SERTM2: variants seen among roughly 807,000 people sequenced by gnomAD.
SERTM2 encodes the protein serine-rich and transmembrane domain-containing protein 2.
At position 111,520,566 on chromosome X, in the gene SERTM2, T is replaced by C. The variant is rs2147491945; in HGVS notation, c.*1436T>C. On this transcript the variant is annotated 3_prime_UTR_variant, in exon 3 of 3. Coordinates refer to ENST00000569275, the MANE Select transcript of SERTM2 (RefSeq NM_001354473.2). Reference sequence around the variant, plus strand: ...CCACCAGAAATGTAGCTCTTTGTAGTCTGTAACCAATTTAGATTGGCCCTT... The same window carrying C: ...CCACCAGAAATGTAGCTCTTTGTAGCCTGTAACCAATTTAGATTGGCCCTT... 1 of 112,066 alleles carries C rather than the reference T, an allele frequency of 8.9e-6. No individual in the cohort carries two copies. The highest frequency in any genetic ancestry group is 9.5e-5 in the Admixed American group (1 of 10,581). The allele number at this position is 112,066 out of a possible 1,213,427, so 9.2% of individuals were successfully genotyped here.
chrX:111,520,093 T>C lies in SERTM2; in HGVS notation c.*963T>C, dbSNP rs1228227213. On this transcript the variant is annotated 3_prime_UTR_variant, in exon 3 of 3. Transcript: ENST00000569275. Reference sequence around the variant, plus strand: ...AGAGAGAGACAAAGGAGGAAAGGACTAAACAACATCCTCCAACAAATCCTT... The same window carrying C: ...AGAGAGAGACAAAGGAGGAAAGGACCAAACAACATCCTCCAACAAATCCTT... 6 of 111,663 alleles carry C rather than the reference T, an allele frequency of 5.4e-5. No individual in the cohort carries two copies. Among genetic ancestry groups the C allele is most frequent in the Non-Finnish European group, 1.9e-5 (1 of 53,116 alleles). The allele number at this position is 111,663 out of a possible 1,213,427, so 9.2% of individuals were successfully genotyped here. A position where few individuals can be genotyped will look rare whatever the true frequency, so the allele number is the denominator to read the frequency against.
intron 2 of SERTM2, among the ~76,000 whole-genome samples, chrX:111,512,472 G>A (rs189880432): frequency 4.5e-5 from 5 of 111,924 alleles, no homozygotes; most frequent in African/African-American, 1.3e-4. Flanking sequence ...GAATTATATA[G>A]GCAGGTGTCA....
intron 2 of SERTM2, among the ~76,000 whole-genome samples, chrX:111,516,725 G>T (rs1366715002): frequency 9.0e-6 from 1 of 111,194 alleles, no homozygotes; most frequent in East Asian, 2.8e-4. Flanking sequence ...GAAAAATATG[G>T]ATTATGGAAA....
At chrX:111,514,871 C>T (rs910109973) in intron 2 of SERTM2, among the ~76,000 whole-genome samples, 36 of 109,633 alleles carry the variant, frequency 3.3e-4, no homozygotes, top group African/African-American at 1.2e-3. Context: ...ATAATACTAA[C>T]ATCGTTTAGG....
chrX:111,515,610 G>C (rs1416924664), intron 2 of SERTM2, among the ~76,000 whole-genome samples: 1 of 111,508 alleles, frequency 9.0e-6, no homozygotes, highest in Non-Finnish European at 1.9e-5. Context: ...GCCCCATACA[G>C]AGCTACTGAA....
chrX:111,516,597 A>C (rs1602407876), intron 2 of SERTM2, among the ~76,000 whole-genome samples: 1 of 111,115 alleles, frequency 9.0e-6, no homozygotes, highest in South Asian at 3.9e-4. Flanking sequence ...TGTTTCCTAG[A>C]CCATTGCTCC....
In SERTM2 at chrX:111,518,630, C is replaced by A. The variant is rs963950761; in HGVS notation, c.-228C>A. On this transcript the variant is annotated 5_prime_UTR_variant, in exon 3 of 3. Transcript: ENST00000569275. ...AATTGATTAAGAAGCTCTGATAAAA[C>A]CTATTGGAGGGGCGATTGCTGTGCT... The A allele has an allele frequency of 6.9e-6, 2 of 290,018 alleles. No homozygotes were observed. 23.9% of individuals were successfully genotyped at this position (290,018 alleles called of 1,213,427 possible).
At position 111,520,012 on chromosome X, in the gene SERTM2, G is replaced by A. The variant is rs1308513930; in HGVS notation, c.*882G>A. On this transcript the variant is annotated 3_prime_UTR_variant, in exon 3 of 3. Coordinates refer to ENST00000569275, the MANE Select transcript of SERTM2 (RefSeq NM_001354473.2). ...TCCCAGGGTTTTTGTGCTGAAAAAT[G>A]ATTAGAGAGCTATTTAGTCATCACT... is the stretch of plus-strand genomic sequence containing the variant. The A allele has an allele frequency of 9.0e-6, 1 of 111,296 alleles. No homozygotes were observed. Among genetic ancestry groups the A allele is most frequent in the East Asian group, 2.8e-4 (1 of 3,557 alleles). 9.2% of individuals were successfully genotyped at this position (111,296 alleles called of 1,213,427 possible).
chrX:111,514,888 G>GGT (rs371173694), intron 2 of SERTM2, among the ~76,000 whole-genome samples: 2,329 of 106,655 alleles, frequency 0.022, 48 homozygotes, highest in African/African-American at 0.068. Context: ...TAGGCATAGG[G>GGT]GTGTGTGTGT....
In SERTM2 at chrX:111,519,945, T is replaced by A. The variant is rs1023342149; in HGVS notation, c.*815T>A. The stretch of plus-strand genomic sequence containing the variant: ...GAAATAAAATGATGTTGGTATTCTG[T>A]TGTTGAATATGGCTTTGGACAAAAC... On this transcript the variant is annotated 3_prime_UTR_variant, in exon 3 of 3. Transcript: ENST00000569275. The A allele has an allele frequency of 1.8e-5, 2 of 111,828 alleles. No homozygotes were observed. The highest frequency in any genetic ancestry group is 6.5e-5 in the African/African-American group (2 of 30,757). The allele number at this position is 111,828 out of a possible 1,213,427, so 9.2% of individuals were successfully genotyped here. A position where few individuals can be genotyped will look rare whatever the true frequency, so the allele number is the denominator to read the frequency against.
intron 2 of SERTM2, among the ~76,000 whole-genome samples, chrX:111,516,166 C>A (rs1225536493): frequency 3.8e-5 from 4 of 104,537 alleles, no homozygotes; most frequent in Non-Finnish European, 5.9e-5. Flanking sequence ...ATGCACCACT[C>A]TAATCTCTGC....
chrX:111,519,032 C>T lies in SERTM2; in HGVS notation c.175C>T (p.Arg59Trp). ...LLILLFTMLL[R>W]LKHVISPINS... is the part of the protein sequence containing the mutation. ...CATCCTGCTCTTCACAATGCTCCTT[C>T]GGCTCAAACATGTCATCTCGCCCAT... The change falls in exon 3 of 3, where the codon CGG becomes TGG. Residue 59 changes from arginine (R) to tryptophan (W), a missense_variant. Arg to Trp is a moderately radical substitution (Grantham distance 101). Transcript: ENST00000569275. 3.4e-6 allele frequency: 1 copy of T among 297,350 alleles called. No homozygotes were observed. Among genetic ancestry groups the T allele is most frequent in the Non-Finnish European group, 5.9e-6 (1 of 170,120 alleles). 24.5% of individuals were successfully genotyped at this position (297,350 alleles called of 1,213,427 possible). A position where few individuals can be genotyped will look rare whatever the true frequency, so the allele number is the denominator to read the frequency against.
In SERTM2 at chrX:111,520,166, G is replaced by A. The variant is rs1292170194; in HGVS notation, c.*1036G>A. ...GTCACATTTGTATTTCCCAGAAAAT[G>A]TTCCTCCCTTCCTGATCCCTGCCAA... On this transcript the variant is annotated 3_prime_UTR_variant, in exon 3 of 3. Transcript: ENST00000569275. The A allele has an allele frequency of 5.4e-5, 6 of 111,732 alleles. No individual in the cohort carries two copies. The highest frequency in any genetic ancestry group is 1.1e-4 in the Non-Finnish European group (6 of 53,129). 9.2% of individuals were successfully genotyped at this position (111,732 alleles called of 1,213,427 possible). A position where few individuals can be genotyped will look rare whatever the true frequency, so the allele number is the denominator to read the frequency against.
rs889360774 is a variant in SERTM2, at chrX:111,522,280, T to C, written c.*3150T>C. On this transcript the variant is annotated 3_prime_UTR_variant, in exon 3 of 3. Transcript: ENST00000569275. ...GAATAAAAAATTGAGTTTCTTTTGTTTGAAATTATTAATGTTTGAAATAGA... is the reference window on the plus strand; with the variant it reads ...GAATAAAAAATTGAGTTTCTTTTGTCTGAAATTATTAATGTTTGAAATAGA... 1 of 112,334 alleles carries C rather than the reference T, an allele frequency of 8.9e-6. No homozygotes were observed. Among genetic ancestry groups the C allele is most frequent in the African/African-American group, 3.2e-5 (1 of 30,915 alleles). The allele number at this position is 112,334 out of a possible 1,213,427, so 9.3% of individuals were successfully genotyped here.
Position 111,518,604 on chromosome X carries a change from A to C in SERTM2, c.-254A>C. 1 of 283,017 alleles carries C rather than the reference A, an allele frequency of 3.5e-6. No homozygotes were observed. The highest frequency in any genetic ancestry group is 6.2e-6 in the Non-Finnish European group (1 of 161,264). 23.3% of individuals were successfully genotyped at this position (283,017 alleles called of 1,213,427 possible). A position where few individuals can be genotyped will look rare whatever the true frequency, so the allele number is the denominator to read the frequency against. ...AATAAAACATTACTTGTATTTTTAA[A>C]AATTGATTAAGAAGCTCTGATAAAA... On this transcript the variant is annotated 5_prime_UTR_variant, in exon 3 of 3. Coordinates refer to ENST00000569275, the MANE Select transcript of SERTM2 (RefSeq NM_001354473.2).
chrX:111,514,623 A>G, intron 2 of SERTM2, among the ~76,000 whole-genome samples: 1 of 111,362 alleles, frequency 9.0e-6, no homozygotes, highest in East Asian at 2.8e-4. Context: ...TATTGGAAAG[A>G]GGGTAATGGA....
rs1930375622 is a variant in SERTM2, at chrX:111,519,484, A to G, written c.*354A>G. On this transcript the variant is annotated 3_prime_UTR_variant, in exon 3 of 3. Coordinates refer to ENST00000569275, the MANE Select transcript of SERTM2 (RefSeq NM_001354473.2). Reference sequence around the variant, plus strand: ...TCCCTGGAAGCTCCAAAAACAAACAAAGAAGATTTGCTTTTGAAAGGGCTG... The same window carrying G: ...TCCCTGGAAGCTCCAAAAACAAACAGAGAAGATTTGCTTTTGAAAGGGCTG... The G allele has an allele frequency of 8.0e-6, 1 of 124,435 alleles. No individual in the cohort carries two copies. Among genetic ancestry groups the G allele is most frequent in the African/African-American group, 3.2e-5 (1 of 31,350 alleles). 10.3% of individuals were successfully genotyped at this position (124,435 alleles called of 1,213,427 possible).
intron 2 of SERTM2, among the ~76,000 whole-genome samples, chrX:111,513,432 C>CA (rs1930261766): frequency 1.8e-5 from 2 of 111,562 alleles, no homozygotes; most frequent in South Asian, 7.4e-4. Flanking sequence ...ATTCTTTCCA[C>CA]AAAAAATCAT....
rs1930357335 is a variant in SERTM2, at chrX:111,518,580, A to G, written c.-278A>G. The G allele has an allele frequency of 3.7e-6, 1 of 267,096 alleles. No homozygotes were observed. The highest frequency in any genetic ancestry group is 6.6e-6 in the Non-Finnish European group (1 of 151,241). 22.0% of individuals were successfully genotyped at this position (267,096 alleles called of 1,213,427 possible). A position where few individuals can be genotyped will look rare whatever the true frequency, so the allele number is the denominator to read the frequency against. ...CAGTATAAAAGTAGGAGTGTGGAAAATAAAACATTACTTGTATTTTTAAAA... is the reference window on the plus strand; with the variant it reads ...CAGTATAAAAGTAGGAGTGTGGAAAGTAAAACATTACTTGTATTTTTAAAA... On this transcript the variant is annotated 5_prime_UTR_variant, in exon 3 of 3. Transcript: ENST00000569275.
Sources: allele counts gnomAD v4.1 joint callset (sites outside exome capture counted in the v4.1 genomes callset), GRCh38; gene constraint gnomAD v4.1.1; transcripts MANE v1.5; gene names NCBI Gene and HGNC (gene_info 2026-07-23, HGNC 2026-07-21).